Variants in TAFA5 observed in about 807,000 individuals in gnomAD.
TAFA5 encodes chemokine-like protein TAFA-5.
A neutral mutation model predicts 15.3 loss-of-function variants in TAFA5; 6 were observed. The ratio of observed to expected loss-of-function variants is 0.39; its 90% CI spans 0.21 to 0.77. TAFA5 has a LOEUF of 0.77. Among genes scored for constraint, TAFA5 ranks in the 30% least tolerant of loss-of-function variants. TAFA5 has a pLI of 0.41. For synonymous variants in TAFA5, 103 were observed against 80.7 expected (o/e 1.28, Z -1.48); for missense variants, 161 against 193.1 (o/e 0.83, Z 0.98).
At chr22:48,604,953 A>G (rs1257643706) in intron 1 of TAFA5, among the ~76,000 whole-genome samples, 1 of 151,822 alleles carries the variant, frequency 6.6e-6, no homozygotes, top group Non-Finnish European at 1.5e-5. Flanking sequence ...GATACTGTGA[A>G]TATGATGAGG....
intron 2 of TAFA5, among the ~76,000 whole-genome samples, chr22:48,662,699 G>A (rs12484635): frequency 0.041 from 6,217 of 152,322 alleles, 205 homozygotes; most frequent in East Asian, 0.14. Flanking sequence ...ACACAGGCTG[G>A]GAGCAGGTCA....
At chr22:48,633,706 G>T (rs968157186) in intron 1 of TAFA5, among the ~76,000 whole-genome samples, 1 of 152,140 alleles carries the variant, frequency 6.6e-6, no homozygotes. Context: ...GGGTCCTGGT[G>T]CTTCTGTTGT....
At chr22:48,697,434 G>A (rs1928749771) in intron 2 of TAFA5, among the ~76,000 whole-genome samples, 1 of 145,134 alleles carries the variant, frequency 6.9e-6, no homozygotes, top group African/African-American at 2.5e-5. Flanking sequence ...TGAGGAAGAT[G>A]ATGATGAGGA....
intron 2 of TAFA5, among the ~76,000 whole-genome samples, chr22:48,698,956 TG>T (rs1426219749): frequency 6.2e-5 from 2 of 32,280 alleles, no homozygotes; most frequent in African/African-American, 2.0e-4. Flanking sequence ...TTTTTTTTTT[TG>T]GCGCGACCAA....
At position 48,507,316 on chromosome 22, in the gene TAFA5, C is replaced by T. The variant is rs141189326; in HGVS notation, c.112+17612C>T. Among the ~76,000 whole-genome samples, 392 of 149,244 alleles carry T rather than the reference C, an allele frequency of 2.6e-3. 2 individuals carry two copies. Among genetic ancestry groups the T allele is most frequent in the African/African-American group, 6.8e-3 (264 of 39,050 alleles). Reference sequence around the variant, plus strand: ...GTGTGCAGTTGGAGGAGTGGCCGGCCGGTCAGGCTGGGGCCAAGTCACTGA... The same window carrying T: ...GTGTGCAGTTGGAGGAGTGGCCGGCTGGTCAGGCTGGGGCCAAGTCACTGA... On this transcript the variant is annotated intron_variant, in intron 1 of 3. Transcript: ENST00000402357.
chr22:48,622,135 G>A (rs1001297178), intron 1 of TAFA5, among the ~76,000 whole-genome samples: 6 of 152,174 alleles, frequency 3.9e-5, no homozygotes, highest in African/African-American at 1.4e-4. Context: ...CTAGAGCACA[G>A]GAGTGCATGA....
chr22:48,705,909 G>A (rs1214731775), intron 2 of TAFA5, among the ~76,000 whole-genome samples: 3 of 152,216 alleles, frequency 2.0e-5, no homozygotes, highest in Admixed American at 6.5e-5. Flanking sequence ...CTACAGTTCT[G>A]GTTTATGCAC....
chr22:48,506,869 G>A (rs915936510), intron 1 of TAFA5, among the ~76,000 whole-genome samples: 2 of 152,218 alleles, frequency 1.3e-5, no homozygotes, highest in Non-Finnish European at 2.9e-5. Flanking sequence ...ACACAGGCAG[G>A]GCTGGGAGGG....
intron 1 of TAFA5, chr22:48,546,909 G>A (rs1922695084): frequency 5.1e-6 from 1 of 195,922 alleles, no homozygotes; most frequent in South Asian, 8.7e-5. Context: ...CGTTCAGCAA[G>A]GATTGAAAAT....
At chr22:48,665,905 A>G (rs2147217847) in intron 2 of TAFA5, among the ~76,000 whole-genome samples, 1 of 151,340 alleles carries the variant, frequency 6.6e-6, no homozygotes, top group African/African-American at 2.4e-5. Flanking sequence ...TGGGATTCGC[A>G]GTGGGGAGGT....
intron 1 of TAFA5, among the ~76,000 whole-genome samples, chr22:48,615,785 G>A (rs113500589): frequency 2.6e-5 from 4 of 152,242 alleles, no homozygotes; most frequent in African/African-American, 7.2e-5. Context: ...AGGTCATTGC[G>A]GGGGACCATG....
intron 1 of TAFA5, among the ~76,000 whole-genome samples, chr22:48,511,631 G>A (rs535657044): frequency 2.0e-5 from 3 of 152,276 alleles, no homozygotes; most frequent in South Asian, 4.1e-4. Flanking sequence ...AGCCGCATTC[G>A]TTCTGCAAGG....
At chr22:48,662,772 G>A (rs929939811) in intron 2 of TAFA5, among the ~76,000 whole-genome samples, 7 of 152,232 alleles carry the variant, frequency 4.6e-5, no homozygotes, top group Non-Finnish European at 8.8e-5. Context: ...GGCGGCAGCT[G>A]AGGACACAGG....
Position 48,725,367 on chromosome 22 carries a change from A to C in TAFA5, c.390+17523A>C, listed in dbSNP as rs547767010. ...CCCGTAAAAAAGTAATAATAATAATAAGCACTATCTATGGAAAGCAATCCT... is the reference window on the plus strand; with the variant it reads ...CCCGTAAAAAAGTAATAATAATAATCAGCACTATCTATGGAAAGCAATCCT... On this transcript the variant is annotated intron_variant, in intron 3 of 3. Transcript: ENST00000402357. Among the ~76,000 whole-genome samples the C allele has an allele frequency of 1.7e-3, 265 of 152,268 alleles. 1 individual carries two copies. The highest frequency in any genetic ancestry group is 6.1e-3 in the African/African-American group (252 of 41,560).
chr22:48,718,135 A>G (rs899298194), intron 3 of TAFA5, among the ~76,000 whole-genome samples: 2 of 152,252 alleles, frequency 1.3e-5, no homozygotes, highest in African/African-American at 2.4e-5. Flanking sequence ...AGGGTCTGCA[A>G]TGCCCTCTCC....
chr22:48,599,157 TA>T (rs1324632576), intron 1 of TAFA5, among the ~76,000 whole-genome samples: 1 of 152,182 alleles, frequency 6.6e-6, no homozygotes, highest in East Asian at 1.9e-4. Flanking sequence ...TATGATTGAT[TA>T]AATCCTTGGG....
At chr22:48,500,275 C>G (rs1382294011) in intron 1 of TAFA5, among the ~76,000 whole-genome samples, 1 of 152,224 alleles carries the variant, frequency 6.6e-6, no homozygotes, top group Non-Finnish European at 1.5e-5. Context: ...CCCCACTCCC[C>G]TGTCCCTGAC....
intron 2 of TAFA5, among the ~76,000 whole-genome samples, chr22:48,663,499 T>G (rs5771917): frequency 0.75 from 113,433 of 152,104 alleles, 42,429 homozygotes; most frequent in South Asian, 0.82. Context: ...CAGCTGACTC[T>G]GTCTCTATCA....
At chr22:48,721,677 A>G (rs1929573282) in intron 3 of TAFA5, among the ~76,000 whole-genome samples, 1 of 152,216 alleles carries the variant, frequency 6.6e-6, no homozygotes, top group South Asian at 2.1e-4. Flanking sequence ...TACTGTGGAA[A>G]GTAAGATCAG....
Sources: allele counts gnomAD v4.1 joint callset (sites outside exome capture counted in the v4.1 genomes callset), GRCh38; gene constraint gnomAD v4.1.1; transcripts MANE v1.5; gene names NCBI Gene and HGNC (gene_info 2026-07-23, HGNC 2026-07-21).